CAV3: variants seen among roughly 807,000 people sequenced by gnomAD.
CAV3 encodes caveolin 3.
CAV3 carries 10 observed loss-of-function variants against 13.4 expected under a neutral mutation model. The observed-to-expected ratio is 0.75, with a 90% CI of 0.46 to 1.27. The LOEUF is 1.27. Ranked by LOEUF, CAV3 falls within the 50% of genes most tolerant of loss-of-function variation. The probability of loss-of-function intolerance (pLI) is 0.00; values close to 1 mark genes in which losing one functional copy is unlikely to be tolerated. For synonymous variants in CAV3, 90 were observed against 79.0 expected (o/e 1.14, Z -0.74); for missense variants, 162 against 194.0 (o/e 0.83, Z 0.98).
rs1245322725 is a variant in CAV3 at position 8,745,877 on chromosome 3, G to A, written c.*10G>A. 2 of 1,605,410 alleles carry A rather than the reference G, an allele frequency of 1.2e-6. No individual in the cohort carries two copies. Among genetic ancestry groups the A allele is most frequent in the East Asian group, 4.5e-5 (2 of 44,782 alleles). ...GCGGAAGGAGGTCTAAAGCCAGGTG[G>A]GGCAACAGCGGTGGCAGGGCAGGGG... On this transcript the variant is annotated 3_prime_UTR_variant, in exon 2 of 2. Transcript: ENST00000343849. The surrounding 1 kb of genome is among the most constrained non-coding windows in gnomAD (Gnocchi z 4.8).
Position 8,741,577 on chromosome 3 carries a change from C to G in CAV3, c.115-3949C>G, listed in dbSNP as rs1298518033. On this transcript the variant is annotated intron_variant, in intron 1 of 1. Coordinates refer to ENST00000343849, the MANE Select transcript of CAV3 (RefSeq NM_033337.3). ...CAAACAAACAAAAAACCTAGGATCTCAGAGAGGGAAAGTACCATGCCCCAA... is the reference window on the plus strand; with the variant it reads ...CAAACAAACAAAAAACCTAGGATCTGAGAGAGGGAAAGTACCATGCCCCAA... Among the ~76,000 whole-genome samples the G allele has an allele frequency of 5.9e-5, 9 of 152,242 alleles. No homozygotes were observed. In the East Asian group the frequency reaches 1.7e-3, roughly 29 times the overall value.
chr3:8,733,835 A>G lies in CAV3; in HGVS notation c.-42A>G. The G allele has an allele frequency of 1.6e-6, 2 of 1,270,152 alleles. No homozygotes were observed. Among genetic ancestry groups the G allele is most frequent in the Non-Finnish European group, 1.2e-6 (1 of 867,884 alleles). The allele number at this position is 1,270,152 out of a possible 1,614,324, so 78.7% of individuals were successfully genotyped here. On this transcript the variant is annotated 5_prime_UTR_variant, in exon 1 of 2. Coordinates refer to ENST00000343849, the MANE Select transcript of CAV3 (RefSeq NM_033337.3). ...CAAGTATTTTCAGCCCCAGCCGGCC[A>G]CACAGCTCGGATCTCCTCCTGTGGA...
intron 1 of CAV3, among the ~76,000 whole-genome samples, chr3:8,739,623 A>G (rs1230389725): frequency 8.7e-6 from 1 of 115,588 alleles, no homozygotes; most frequent in Admixed American, 8.3e-5. Flanking sequence ...TCCTTCTCCA[A>G]AAAAAAAAAA....
At chr3:8,739,729 C>T (rs530099511) in intron 1 of CAV3, among the ~76,000 whole-genome samples, 5 of 152,260 alleles carry the variant, frequency 3.3e-5, no homozygotes, top group Admixed American at 6.5e-5. Flanking sequence ...CCTTGTTTTC[C>T]CTAAAGACAG....
chr3:8,743,837 A>G (rs2124986136), intron 1 of CAV3, among the ~76,000 whole-genome samples: 1 of 152,360 alleles, frequency 6.6e-6, no homozygotes, highest in African/African-American at 2.4e-5. Flanking sequence ...CACCAAAACA[A>G]TCATATCTTT....
At chr3:8,736,446 G>A (rs780495343) in intron 1 of CAV3, among the ~76,000 whole-genome samples, 1 of 152,206 alleles carries the variant, frequency 6.6e-6, no homozygotes. Flanking sequence ...CAGTCTAGAG[G>A]GCAAGAGAGC....
In CAV3 at chr3:8,745,319, A is replaced by G. The variant is rs1246760114; in HGVS notation, c.115-207A>G. ...TGATTCCTGCACAGATCACAGACCC[A>G]TGGGCCAATTAAACCTCCTTTCTTT... On this transcript the variant is annotated intron_variant, in intron 1 of 1. Coordinates refer to ENST00000343849, the MANE Select transcript of CAV3 (RefSeq NM_033337.3). This position sits in a 1 kb window ranked among gnomAD's most constrained non-coding sequence, Gnocchi z 4.8. Among the ~76,000 whole-genome samples the G allele has an allele frequency of 1.3e-5, 2 of 152,282 alleles. No individual in the cohort carries two copies. The highest frequency in any genetic ancestry group is 2.9e-5 in the Non-Finnish European group (2 of 68,018).
intron 1 of CAV3, among the ~76,000 whole-genome samples, chr3:8,741,214 C>T (rs1396956260): frequency 6.6e-6 from 1 of 152,178 alleles, no homozygotes; most frequent in Admixed American, 6.5e-5. Context: ...CACAGCTATA[C>T]TTTTGCAAAA....
intron 1 of CAV3, among the ~76,000 whole-genome samples, chr3:8,743,905 T>C (rs1361281079): frequency 6.6e-6 from 1 of 152,204 alleles, no homozygotes; most frequent in East Asian, 1.9e-4. Flanking sequence ...GTTAATTCTC[T>C]GTGATATGGC....
At chr3:8,739,169 A>G (rs1707859177) in intron 1 of CAV3, among the ~76,000 whole-genome samples, 1 of 152,178 alleles carries the variant, frequency 6.6e-6, no homozygotes. Flanking sequence ...CTGGGTATCA[A>G]CTGATCTAGA....
chr3:8,735,046 G>C (rs1707701266), intron 1 of CAV3, among the ~76,000 whole-genome samples: 2 of 152,154 alleles, frequency 1.3e-5, no homozygotes, highest in African/African-American at 4.8e-5. Flanking sequence ...ATTCCTCCAA[G>C]AAGGGTCCCC....
At chr3:8,739,743 G>GT (rs1157845107) in intron 1 of CAV3, among the ~76,000 whole-genome samples, 1 of 152,108 alleles carries the variant, frequency 6.6e-6, no homozygotes, top group Middle Eastern at 3.2e-3. Flanking sequence ...AAGACAGACT[G>GT]TATCAGTTAT....
At chr3:8,734,311 C>T (rs187026071) in intron 1 of CAV3, among the ~76,000 whole-genome samples, 35 of 152,348 alleles carry the variant, frequency 2.3e-4, no homozygotes, top group African/African-American at 7.7e-4. Flanking sequence ...CTGGCTCTCA[C>T]CCTGGGAGGA....
Position 8,735,317 on chromosome 3 carries a change from T to C in CAV3, c.114+1327T>C, listed in dbSNP as rs115977554. Among the ~76,000 whole-genome samples the C allele has an allele frequency of 9.8e-3, 1,498 of 152,342 alleles. 7 individuals are homozygous for C. Among genetic ancestry groups the C allele is most frequent in the Middle Eastern group, 0.027 (8 of 294 alleles). ...ACATGTAAGCAATATAAAACAATTA[T>C]CAATGAGCTATTGTACAGTCTTCAA... On this transcript the variant is annotated intron_variant, in intron 1 of 1. Coordinates refer to ENST00000343849, the MANE Select transcript of CAV3 (RefSeq NM_033337.3).
At chr3:8,740,375 G>A (rs1707915723) in intron 1 of CAV3, among the ~76,000 whole-genome samples, 1 of 151,804 alleles carries the variant, frequency 6.6e-6, no homozygotes, top group Non-Finnish European at 1.5e-5. Context: ...CCCACTGAAA[G>A]CTCGTGCACA....
rs372754279 is a variant in CAV3, at chr3:8,745,543, G to T, written c.132G>T (p.Val44=). Reference sequence around the variant, plus strand: ...CCCTGCAGGTGGATTTTGAAGACGTGATCGCAGAGCCTGTGGGCACCTACA... The same window carrying T: ...CCCTGCAGGTGGATTTTGAAGACGTTATCGCAGAGCCTGTGGGCACCTACA... ...EDIVKVDFED[V]IAEPVGTYSF... The change falls in exon 2 of 2, where the codon GTG becomes GTT. Residue 44 remains valine (V), a synonymous_variant. Transcript: ENST00000343849. This position sits in a 1 kb window ranked among gnomAD's most constrained non-coding sequence, Gnocchi z 4.8. 6.2e-7 allele frequency: 1 copy of T among 1,614,128 alleles called. No homozygotes were observed. The highest frequency in any genetic ancestry group is 1.1e-5 in the South Asian group (1 of 91,032).
chr3:8,742,737 TGGATGGATGGATGGATGAAA>T (rs1223692163), intron 1 of CAV3: 1 of 282,402 alleles, frequency 3.5e-6, no homozygotes, highest in African/African-American at 2.3e-5. Flanking sequence ...TGTGGGTGGG[TGGATGGATGGATGGATGAAA>T]GGATGGATGG....
At position 8,745,894 on chromosome 3, in the gene CAV3, G is replaced by A; in HGVS notation, c.*27G>A. 1 of 1,592,514 alleles carries A rather than the reference G, an allele frequency of 6.3e-7. No individual in the cohort carries two copies. The highest frequency in any genetic ancestry group is 8.6e-7 in the Non-Finnish European group (1 of 1,167,580). ...GCCAGGTGGGGCAACAGCGGTGGCA[G>A]GGCAGGGGGTGGTGGGCCAGACTGG... On this transcript the variant is annotated 3_prime_UTR_variant, in exon 2 of 2. Coordinates refer to ENST00000343849, the MANE Select transcript of CAV3 (RefSeq NM_033337.3). The surrounding 1 kb of genome is among the most constrained non-coding windows in gnomAD (Gnocchi z 4.8).
intron 1 of CAV3, among the ~76,000 whole-genome samples, chr3:8,735,100 G>C (rs1410555299): frequency 6.6e-6 from 1 of 152,200 alleles, no homozygotes; most frequent in African/African-American, 2.4e-5. Context: ...TAAGAGGCCA[G>C]TGTCTGAGGC....
Sources: allele counts gnomAD v4.1 joint callset (sites outside exome capture counted in the v4.1 genomes callset), GRCh38; gene constraint gnomAD v4.1.1; non-coding constraint Gnocchi (gnomAD v3.1); transcripts MANE v1.5; gene names NCBI Gene and HGNC (gene_info 2026-07-23, HGNC 2026-07-21).